Variants in GEMIN4 observed in about 807,000 individuals in gnomAD.
The protein encoded by GEMIN4 is gem-associated protein 4.
A neutral mutation model predicts 76.8 loss-of-function variants in GEMIN4; 59 were observed. The observed-to-expected ratio is 0.77, with a 90% CI of 0.62 to 0.95. The LOEUF (loss-of-function observed/expected upper bound fraction) is 0.95, where lower values mean the gene tolerates loss of function less well. Among genes scored for constraint, GEMIN4 ranks in the 40% least tolerant of loss-of-function variants. The pLI is 0.00. For missense variants in GEMIN4, 1,311 were observed against 1,318.9 expected (o/e 0.99, Z 0.09); for synonymous variants, 562 against 559.7 (o/e 1.00, Z -0.06).
At chr17:751,707 C>T (rs1904698837) in intron 1 of GEMIN4, 1 of 180,786 alleles carries the variant, frequency 5.5e-6, no homozygotes. Flanking sequence ...CACTTCCATT[C>T]TCCCCGCTCT....
chr17:750,312 G>C (rs1472088995), intron 1 of GEMIN4, among the ~76,000 whole-genome samples: 2 of 152,200 alleles, frequency 1.3e-5, no homozygotes, highest in Non-Finnish European at 1.5e-5. Flanking sequence ...ATATATACCA[G>C]TCAAGCCCTT....
Position 746,855 on chromosome 17 carries a change from G to A in GEMIN4, c.1188C>T (p.Asn396=), listed in dbSNP as rs1428855538. The A allele has an allele frequency of 1.2e-6, 2 of 1,613,548 alleles. No individual in the cohort carries two copies. Among genetic ancestry groups the A allele is most frequent in the Admixed American group, 3.3e-5 (2 of 60,008 alleles). Residue 396 remains asparagine (N), a synonymous_variant, in exon 2 of 2, where the codon AAC becomes AAT. Transcript: ENST00000319004. This position sits in a 1 kb window ranked among gnomAD's most constrained non-coding sequence, Gnocchi z 4.3. ...FLRKTSTVLK[N]RALEDITASI... The stretch of plus-strand genomic sequence containing the variant: ...AAGCTGTGATATCCTCCAAGGCCCT[G>A]TTCTTCAGCACCGTGCTCGTTTTCC...
chr17:745,798 G>C lies in GEMIN4; in HGVS notation c.2245C>G (p.Pro749Ala), dbSNP rs781088742. The C allele has an allele frequency of 2.5e-6, 4 of 1,612,836 alleles. No individual in the cohort carries two copies. The Admixed American group carries it at 6.7e-5, about 27-fold the overall frequency. Residue 749 changes from proline (P) to alanine (A), a missense_variant, in exon 2 of 2, where the codon CCG (proline) becomes GCG (alanine). Pro to Ala is a conservative substitution (Grantham distance 27, BLOSUM62 -1). Transcript: ENST00000319004. This position sits in a 1 kb window ranked among gnomAD's most constrained non-coding sequence, Gnocchi z 4.6. ...GACAGGGACTTGATCCAGACATCCG[G>C]GGAGAAGGTCTCAGCATTGGCTGAT... ...IVSANAETFS[P>A]DVWIKSLSWL...
chr17:752,134 T>C lies in GEMIN4; in HGVS notation c.9A>G (p.Leu3=). Residue 3 remains leucine (L), a splice_region_variant and synonymous_variant, in exon 1 of 2, where the codon CTA becomes CTG. Transcript: ENST00000319004. Reference sequence around the variant, plus strand: ...GGGCCGGGGAGCCGCGGCACCCACCTAGGTCCATGGCGGCGACGCCGGCGG... The same window carrying C: ...GGGCCGGGGAGCCGCGGCACCCACCCAGGTCCATGGCGGCGACGCCGGCGG... MD[L]GPLNICEEMT... The C allele has an allele frequency of 3.2e-6, 4 of 1,239,894 alleles. No individual in the cohort carries two copies. The highest frequency in any genetic ancestry group is 1.5e-5 in the African/African-American group (1 of 64,712). The allele number at this position is 1,239,894 out of a possible 1,614,324, so 76.8% of individuals were successfully genotyped here. A position where few individuals can be genotyped will look rare whatever the true frequency, so the allele number is the denominator to read the frequency against.
chr17:748,778 A>G (rs1904442561), intron 1 of GEMIN4: 2 of 211,850 alleles, frequency 9.4e-6, no homozygotes, highest in Admixed American at 6.1e-5. Flanking sequence ...GAGCAATCAC[A>G]CAGCCACAGG....
At chr17:753,013 T>C, upstream of GEMIN4, 1 of 160,980 alleles carries the variant, frequency 6.2e-6, no homozygotes, top group Non-Finnish European at 1.4e-5. Context: ...TCCCCGGCCC[T>C]CCGGCCTCAG....
intron 1 of GEMIN4, among the ~76,000 whole-genome samples, chr17:751,414 T>G (rs540198101): frequency 8.5e-5 from 13 of 152,132 alleles, no homozygotes; most frequent in Admixed American, 2.0e-4. Flanking sequence ...CCCCCCAGCC[T>G]ACTACTGCTG....
At position 745,280 on chromosome 17, in the gene GEMIN4, A is replaced by C. The variant is rs1974349065; in HGVS notation, c.2763T>G (p.Phe921Leu). The C allele has an allele frequency of 6.8e-6, 11 of 1,611,826 alleles. No individual in the cohort carries two copies. Among genetic ancestry groups the C allele is most frequent in the Non-Finnish European group, 8.5e-6 (10 of 1,179,518 alleles). Residue 921 changes from phenylalanine to leucine, a missense_variant, in exon 2 of 2, where the codon TTT becomes TTG. Physicochemically the swap from Phe to Leu is conservative, Grantham distance 22. This residue lies in a region of GEMIN4 where 1,208 missense variants were observed against 1,166.9 expected (regional missense o/e 1.04). Transcript: ENST00000319004. This position sits in a 1 kb window ranked among gnomAD's most constrained non-coding sequence, Gnocchi z 4.6. ...LSVLFLRTFQ[F>L]LCSHSCRDWL... ...AATCACGACAGCTATGGCTGCAGAGAAACTGGAAAGTCCTCAGGAAGAGGA... is the reference window on the plus strand; with the variant it reads ...AATCACGACAGCTATGGCTGCAGAGCAACTGGAAAGTCCTCAGGAAGAGGA...
rs1363434692 is a variant in GEMIN4, at chr17:746,790, T to C, written c.1253A>G (p.His418Arg). 7 of 1,613,714 alleles carry C rather than the reference T, an allele frequency of 4.3e-6. No individual in the cohort carries two copies. In the East Asian group the frequency reaches 1.1e-4, roughly 26 times the overall value. Residue 418 changes from histidine (H) to arginine (R), a missense_variant, in exon 2 of 2, where the codon CAT (histidine) becomes CGT (arginine). Transcript: ENST00000319004. The surrounding 1 kb of genome is among the most constrained non-coding windows in gnomAD (Gnocchi z 4.3). Reference sequence around the variant, plus strand: ...GGCAAAAATGTAGCACACTTCCATATGGCGGTCCATCTTCTGCTGGATGAC... The same window carrying C: ...GGCAAAAATGTAGCACACTTCCATACGGCGGTCCATCTTCTGCTGGATGAC... ...MAVIQQKMDR[H>R]MEVCYIFASE...
intron 1 of GEMIN4, chr17:749,933 A>T (rs1160039312): frequency 1.0e-6 from 1 of 986,664 alleles, no homozygotes; most frequent in African/African-American, 1.7e-5. Flanking sequence ...CAGGGAGTAG[A>T]TACAGAAAAT....
At chr17:752,349 C>T (rs1206396242), upstream of GEMIN4, 2 of 1,164,410 alleles carry the variant, frequency 1.7e-6, no homozygotes, top group South Asian at 4.5e-5. Context: ...ACAGCGCCGC[C>T]TTCCGGCAGA....
At position 747,238 on chromosome 17, in the gene GEMIN4, G is replaced by C; in HGVS notation, c.805C>G (p.Leu269Val). The C allele has an allele frequency of 6.2e-7, 1 of 1,613,846 alleles. No homozygotes were observed. The highest frequency in any genetic ancestry group is 8.5e-7 in the Non-Finnish European group (1 of 1,179,880). ...EVSATVYLDK[L>V]ATVISVWNSD... ...TTCCACACAGAGATCACCGTGGCCAGTTTGTCCAGATACACGGTTGCAGAC... is the reference window on the plus strand; with the variant it reads ...TTCCACACAGAGATCACCGTGGCCACTTTGTCCAGATACACGGTTGCAGAC... The change falls in exon 2 of 2, where the codon CTG becomes GTG. Residue 269 changes from leucine to valine, a missense_variant. Leu to Val is a conservative substitution (Grantham distance 32). Around this residue, in one of 2 missense-constraint regions of GEMIN4, gnomAD observed 1,208 missense variants for 1,166.9 expected, o/e 1.04. Transcript: ENST00000319004.
intron 1 of GEMIN4, chr17:751,793 G>A (rs1460820812): frequency 3.0e-6 from 1 of 327,902 alleles, no homozygotes; most frequent in African/African-American, 2.1e-5. Flanking sequence ...CTGCCGTTCA[G>A]GAAATGAGGC....
In GEMIN4 at chr17:747,842, C is replaced by T; in HGVS notation, c.201G>A (p.Lys67=). The T allele has an allele frequency of 6.2e-7, 1 of 1,613,742 alleles. No individual in the cohort carries two copies. Among genetic ancestry groups the T allele is most frequent in the East Asian group, 2.2e-5 (1 of 44,852 alleles). Residue 67 remains lysine (K), a synonymous_variant, in exon 2 of 2, where the codon AAG becomes AAA. Coordinates refer to ENST00000319004, the MANE Select transcript of GEMIN4 (RefSeq NM_015721.3). ...TGGCCCAGATGATGATCAGGGCTTT[C>T]TTCTTCCAGGCAAAGGGCTGGGAGT... The part of the protein sequence containing the change: ...AAHSQPFAWK[K]KALIIIWAKV...
chr17:752,670 G>C (rs1904816007), upstream of GEMIN4: 4 of 1,007,488 alleles, frequency 4.0e-6, no homozygotes, highest in Non-Finnish European at 4.8e-6. Context: ...CAGCGTTCCG[G>C]ATCCTAGACG....
chr17:752,986 C>G (rs1240213248), upstream of GEMIN4: 1 of 159,026 alleles, frequency 6.3e-6, no homozygotes, highest in Non-Finnish European at 1.4e-5. Context: ...AACAGGCCAC[C>G]CAGGGCGACT....
At position 746,395 on chromosome 17, in the gene GEMIN4, C is replaced by T. The variant is rs1317573549; in HGVS notation, c.1648G>A (p.Ala550Thr). ...TCCGGGTGCACTATGACCAGGCGGG[C>T]CACGGAGGCCACAGCTTTTGCCAAG... ...QGLAKAVASV[A>T]RLVIVHPEVT... Residue 550 changes from alanine to threonine, a missense_variant, in exon 2 of 2, where the codon GCC becomes ACC. Coordinates refer to ENST00000319004, the MANE Select transcript of GEMIN4 (RefSeq NM_015721.3). This position sits in a 1 kb window ranked among gnomAD's most constrained non-coding sequence, Gnocchi z 4.3. 6.2e-7 allele frequency: 1 copy of T among 1,613,730 alleles called. No homozygotes were observed. The highest frequency in any genetic ancestry group is 1.3e-5 in the African/African-American group (1 of 74,910).
In GEMIN4 at chr17:744,702, T is replaced by G; in HGVS notation, c.*164A>C. 4.7e-6 allele frequency: 3 copies of G among 645,144 alleles called. 1 individual carries two copies. In the Middle Eastern group the frequency reaches 1.3e-3, roughly 272 times the overall value. The allele number at this position is 645,144 out of a possible 1,614,324, so 40.0% of individuals were successfully genotyped here. A position where few individuals can be genotyped will look rare whatever the true frequency, so the allele number is the denominator to read the frequency against. Reference sequence around the variant, plus strand: ...TATTTTCTTTACACCATTATTGCCATGACTTTTTGTGGACAGTTTCACATA... The same window carrying G: ...TATTTTCTTTACACCATTATTGCCAGGACTTTTTGTGGACAGTTTCACATA... On this transcript the variant is annotated 3_prime_UTR_variant, in exon 2 of 2. Coordinates refer to ENST00000319004, the MANE Select transcript of GEMIN4 (RefSeq NM_015721.3).
chr17:752,191 G>A lies in GEMIN4; in HGVS notation c.-49C>T. On this transcript the variant is annotated 5_prime_UTR_variant, in exon 1 of 2. Coordinates refer to ENST00000319004, the MANE Select transcript of GEMIN4 (RefSeq NM_015721.3). ...GGGGCTAACGCCCCCTCCCCTCCGA[G>A]AACTCGAACGCGGCGCGGGACGCAC... 1.6e-6 allele frequency: 2 copies of A among 1,232,412 alleles called. No homozygotes were observed. The highest frequency in any genetic ancestry group is 2.0e-6 in the Non-Finnish European group (2 of 987,556). 76.3% of individuals were successfully genotyped at this position (1,232,412 alleles called of 1,614,324 possible). A position where few individuals can be genotyped will look rare whatever the true frequency, so the allele number is the denominator to read the frequency against.
Sources: gnomAD v4.1 joint callset for allele counts (sites outside exome capture counted in the v4.1 genomes callset) on GRCh38, gnomAD v4.1.1 for gene constraint, gnomAD v4.1.1 regional missense constraint, Gnocchi (gnomAD v3.1) non-coding constraint, MANE v1.5 for transcripts, NCBI Gene and HGNC (gene_info 2026-07-23, HGNC 2026-07-21) for gene names.